FEZ1: variants seen among roughly 807,000 people sequenced by gnomAD.
FEZ1 encodes the protein fasciculation and elongation protein zeta 1.
FEZ1 carries 20 observed loss-of-function variants against 49.3 expected under a neutral mutation model. That is an observed-to-expected ratio of 0.41 (90% CI 0.29 to 0.59). FEZ1 has a LOEUF of 0.59. FEZ1 is among the 20% of genes least tolerant of loss of function. The pLI is 0.36. For synonymous variants in FEZ1, 170 were observed against 180.9 expected (o/e 0.94, Z 0.48); for missense variants, 413 against 476.0 (o/e 0.87, Z 1.23).
rs1957356641 is a variant in FEZ1, at chr11:125,489,160, T to C, written c.311+307A>G. 9.5e-7 allele frequency: 1 copy of C among 1,050,160 alleles called. No homozygotes were observed. Among genetic ancestry groups the C allele is most frequent in the African/African-American group, 1.7e-5 (1 of 59,900 alleles). The allele number at this position is 1,050,160 out of a possible 1,614,324, so 65.1% of individuals were successfully genotyped here. On this transcript the variant is annotated intron_variant, in intron 2 of 9. Transcript: ENST00000278919. This position sits in a 1 kb window ranked among gnomAD's most constrained non-coding sequence, Gnocchi z 4.2. ...CCTTTATTTCTAATATCTCGCTGGA[T>C]TTCCACTGATATAAAGAAAGCTTAA...
At chr11:125,455,696 C>T (rs775340077) in intron 6 of FEZ1, 139 bp downstream of exon 6, 1 of 846,874 alleles carries the variant, frequency 1.2e-6, no homozygotes, top group Admixed American at 1.8e-5. Flanking sequence ...CCCTTTCTGA[C>T]CCCCTGTCTG....
chr11:125,471,110 A>C (rs779194544), intron 3 of FEZ1, among the ~76,000 whole-genome samples: 1 of 152,186 alleles, frequency 6.6e-6, no homozygotes, highest in Admixed American at 6.5e-5. Context: ...ATAAAAATCC[A>C]ACAGAAGACA....
intron 3 of FEZ1, among the ~76,000 whole-genome samples, chr11:125,477,109 C>T (rs1957239529): frequency 6.6e-6 from 1 of 152,028 alleles, no homozygotes; most frequent in African/African-American, 2.4e-5. Context: ...TTTATTTAAG[C>T]ATTGTGTTAT....
At chr11:125,480,012 C>A (rs1957265198) in intron 3 of FEZ1, among the ~76,000 whole-genome samples, 1 of 152,170 alleles carries the variant, frequency 6.6e-6, no homozygotes, top group South Asian at 2.1e-4. Flanking sequence ...GCTACTTTCT[C>A]CCTTGGAGTC....
intron 8 of FEZ1, among the ~76,000 whole-genome samples, chr11:125,448,942 C>G (rs371701744): frequency 3.3e-3 from 504 of 152,078 alleles, no homozygotes; most frequent in Non-Finnish European, 5.0e-3. Context: ...AGAGGCATCA[C>G]GCAATATGCC....
intron 1 of FEZ1, among the ~76,000 whole-genome samples, chr11:125,494,951 C>T (rs952189850): frequency 6.6e-6 from 1 of 152,180 alleles, no homozygotes; most frequent in Non-Finnish European, 1.5e-5. Flanking sequence ...TCAACTGATT[C>T]CGTGCCTCGT....
intron 6 of FEZ1, 58 bp from the exon 7 acceptor site, chr11:125,454,268 C>A: frequency 7.4e-7 from 1 of 1,346,512 alleles, no homozygotes; most frequent in Non-Finnish European, 1.1e-6. Context: ...GTCACCACAC[C>A]CAGGGACCTC....
intron 3 of FEZ1, among the ~76,000 whole-genome samples, chr11:125,470,177 G>T (rs1186957744): frequency 6.6e-6 from 1 of 152,098 alleles, no homozygotes; most frequent in African/African-American, 2.4e-5. Flanking sequence ...GCCTTCAGAA[G>T]GATAACAGAA....
At position 125,446,124 on chromosome 11, in the gene FEZ1, G is replaced by T. The variant is rs756308363; in HGVS notation, c.1163-13C>A. ...GTAGGGCAGAGCACTGCAACGAGAA[G>T]AGAGGAGGGGAGAGCGGTCAGAACA... is the stretch of plus-strand genomic sequence containing the variant. On this transcript the variant is annotated splice_polypyrimidine_tract_variant and intron_variant, in intron 9 of 9. Coordinates refer to ENST00000278919, the MANE Select transcript of FEZ1 (RefSeq NM_005103.5). 1 of 1,613,854 alleles carries T rather than the reference G, an allele frequency of 6.2e-7. No homozygotes were observed. Among genetic ancestry groups the T allele is most frequent in the Non-Finnish European group, 8.5e-7 (1 of 1,179,796 alleles).
intron 9 of FEZ1, among the ~76,000 whole-genome samples, chr11:125,447,684 T>C (rs1440407052): frequency 6.6e-6 from 1 of 152,030 alleles, no homozygotes; most frequent in Non-Finnish European, 1.5e-5. Context: ...TAGTTGAGCA[T>C]GGTGGCAGGC....
intron 5 of FEZ1, among the ~76,000 whole-genome samples, chr11:125,458,686 T>A (rs1271902482): frequency 6.6e-6 from 1 of 152,220 alleles, no homozygotes; most frequent in African/African-American, 2.4e-5. Context: ...TACATTTACA[T>A]TAAATTATTG....
chr11:125,456,366 T>A (rs562034696), intron 5 of FEZ1: 2 of 407,284 alleles, frequency 4.9e-6, no homozygotes, highest in South Asian at 1.1e-4. Context: ...GTCTGTGGAC[T>A]CTATTCTCAA....
chr11:125,448,968 C>T (rs1956923028), intron 8 of FEZ1, among the ~76,000 whole-genome samples: 1 of 152,106 alleles, frequency 6.6e-6, no homozygotes, highest in African/African-American at 2.4e-5. Flanking sequence ...AACAAACCTG[C>T]ACATGGTGAT....
chr11:125,492,652 T>A (rs1339086308), intron 1 of FEZ1, among the ~76,000 whole-genome samples: 1 of 152,222 alleles, frequency 6.6e-6, no homozygotes, highest in Admixed American at 6.5e-5. Context: ...TTTGGGCAAG[T>A]TATCAACCTC....
In FEZ1 at chr11:125,445,958, G is replaced by A. The variant is rs1214518075; in HGVS notation, c.*137C>T. On this transcript the variant is annotated 3_prime_UTR_variant, in exon 10 of 10. Coordinates refer to ENST00000278919, the MANE Select transcript of FEZ1 (RefSeq NM_005103.5). This position sits in a 1 kb window ranked among gnomAD's most constrained non-coding sequence, Gnocchi z 4.4. ...AAGCCAACGGCAAAGGACCCCGCGC[G>A]CTTGCTCGTGTTTAATCCAGGTTAA... The A allele has an allele frequency of 1.0e-5, 9 of 881,362 alleles. No individual in the cohort carries two copies. Among genetic ancestry groups the A allele is most frequent in the African/African-American group, 1.6e-5 (1 of 60,934 alleles). The allele number at this position is 881,362 out of a possible 1,614,324, so 54.6% of individuals were successfully genotyped here. A position where few individuals can be genotyped will look rare whatever the true frequency, so the allele number is the denominator to read the frequency against.
intron 8 of FEZ1, among the ~76,000 whole-genome samples, chr11:125,450,989 A>G (rs930245667): frequency 1.3e-5 from 2 of 152,320 alleles, no homozygotes; most frequent in Admixed American, 6.5e-5. Flanking sequence ...ACCACTCAAA[A>G]TAGAAAAAAG....
At chr11:125,464,444 G>T (rs1377806651) in intron 3 of FEZ1, among the ~76,000 whole-genome samples, 1 of 152,200 alleles carries the variant, frequency 6.6e-6, no homozygotes, top group Non-Finnish European at 1.5e-5. Flanking sequence ...GAGGAGGCAG[G>T]AGGTGTCTCT....
intron 3 of FEZ1, among the ~76,000 whole-genome samples, chr11:125,480,794 C>T (rs1461735224): frequency 6.6e-6 from 1 of 152,152 alleles, no homozygotes; most frequent in Non-Finnish European, 1.5e-5. Context: ...AATCCCAGCA[C>T]TTTGGAAGGC....
chr11:125,489,975 A>C lies in FEZ1; in HGVS notation c.-45-153T>G, dbSNP rs1186208400. 6.6e-6 allele frequency among the ~76,000 whole-genome samples: 1 copy of C among 152,190 alleles called. No homozygotes were observed. Among genetic ancestry groups the C allele is most frequent in the Non-Finnish European group, 1.5e-5 (1 of 68,026 alleles). On this transcript the variant is annotated intron_variant, in intron 1 of 9. Coordinates refer to ENST00000278919, the MANE Select transcript of FEZ1 (RefSeq NM_005103.5). The surrounding 1 kb of genome is among the most constrained non-coding windows in gnomAD (Gnocchi z 4.2). The stretch of plus-strand genomic sequence containing the variant: ...CCTGGACAAGATCGTCTAGGTTTGC[A>C]TTCTGTTCTGTCCTACCAGCTGTGA...
Sources: allele counts gnomAD v4.1 joint callset (sites outside exome capture counted in the v4.1 genomes callset), GRCh38; gene constraint gnomAD v4.1.1; non-coding constraint Gnocchi (gnomAD v3.1); transcripts MANE v1.5; gene names NCBI Gene and HGNC (gene_info 2026-07-23, HGNC 2026-07-21).